The following DOCK9 variants were observed in gnomAD, a reference collection of about 807,000 sequenced individuals.
DOCK9 encodes the protein dedicator of cytokinesis protein 9.
Under a neutral mutation model 263.3 loss-of-function variants are expected in DOCK9, and 89 were observed. The ratio of observed to expected loss-of-function variants is 0.34; its 90% CI spans 0.28 to 0.40. The LOEUF (loss-of-function observed/expected upper bound fraction) is 0.40, where lower values mean the gene tolerates loss of function less well. DOCK9 is among the 10% of genes least tolerant of loss of function. The pLI, the probability that DOCK9 is intolerant of heterozygous loss-of-function variation, is 1.00. For synonymous variants in DOCK9, 976 were observed against 973.1 expected, an observed-to-expected ratio of 1.00 and a Z score of -0.06; for missense variants, 2,140 against 2,603.4, an observed-to-expected ratio of 0.82 and a Z score of 3.87.
intron 9 of DOCK9, among the ~76,000 whole-genome samples, chr13:98,905,414 T>C (rs933765236): frequency 5.3e-5 from 8 of 152,150 alleles, no homozygotes; most frequent in African/African-American, 1.9e-4. Flanking sequence ...TGACTTGGAC[T>C]AGGGGGTGGT....
intron 27 of DOCK9, among the ~76,000 whole-genome samples, chr13:98,868,846 T>C (rs539665082): frequency 7.8e-4 from 119 of 152,336 alleles, no homozygotes; most frequent in African/African-American, 2.7e-3. Flanking sequence ...ACTGTGAAAG[T>C]GTTCAAATAC....
At chr13:98,831,964 C>G in intron 39 of DOCK9, 178 bp from the exon 40 acceptor site, 1 of 724,630 alleles carries the variant, frequency 1.4e-6, no homozygotes, top group Non-Finnish European at 2.2e-6. Flanking sequence ...GCAAATCTAT[C>G]AATACATTTA....
rs1275958936 is a variant in DOCK9 at position 98,867,463 on chromosome 13, G to C, written c.3248C>G (p.Pro1083Arg). ...NHEHYIPLNLPMPFGKGRIQR... is the reference protein window; with the variant it reads ...NHEHYIPLNLRMPFGKGRIQR... ...AATCCTGCCTTTTCCAAATGGCATT[G>C]GTAAGTTCAACGGAATATAATGTTC... Residue 1083 changes from proline (P) to arginine (R), a missense_variant, in exon 30 of 53, where the codon CCA (proline) becomes CGA (arginine). Physicochemically the swap from Pro to Arg is moderately radical, Grantham distance 103. Coordinates refer to ENST00000682017, the MANE Select transcript of DOCK9 (RefSeq NM_001366683.2). 6.2e-7 allele frequency: 1 copy of C among 1,611,626 alleles called. No individual in the cohort carries two copies. The highest frequency in any genetic ancestry group is 1.1e-5 in the South Asian group (1 of 90,708).
intron 1 of DOCK9, among the ~76,000 whole-genome samples, chr13:99,035,589 C>T (rs920437547): frequency 6.6e-6 from 1 of 152,174 alleles, no homozygotes; most frequent in African/African-American, 2.4e-5. Flanking sequence ...TGGAAAATGG[C>T]AGAGCAACAA....
At chr13:99,006,280 G>A (rs192501572) in intron 1 of DOCK9, among the ~76,000 whole-genome samples, 1 of 152,302 alleles carries the variant, frequency 6.6e-6, no homozygotes, top group Non-Finnish European at 1.5e-5. Context: ...GTGTAACTTG[G>A]ATCAGTCATC....
intron 26 of DOCK9, among the ~76,000 whole-genome samples, 184 bp from the exon 27 acceptor site, chr13:98,880,153 T>C (rs2044506934): frequency 6.6e-6 from 1 of 151,926 alleles, no homozygotes; most frequent in Non-Finnish European, 1.5e-5. Context: ...TGCACAAGTT[T>C]AGCAACAAAG....
chr13:98,858,061 T>G (rs1389161117), intron 33 of DOCK9: 1 of 152,014 alleles, frequency 6.6e-6, no homozygotes, highest in Non-Finnish European at 1.5e-5. Flanking sequence ...AGTCTCAAGC[T>G]TGATTCCAGA....
At position 98,880,534 on chromosome 13, in the gene DOCK9, T is replaced by A. The variant is rs1441500082; in HGVS notation, c.2871+13A>T. The stretch of plus-strand genomic sequence containing the variant: ...CAGTTTCAATCAGAGCCACACTGAC[T>A]CTCCTGACATACCTTCAGTAGTTTG... On this transcript the variant is annotated intron_variant, in intron 26 of 52. Transcript: ENST00000682017. 2.5e-6 allele frequency: 4 copies of A among 1,613,734 alleles called. No individual in the cohort carries two copies. The African/African-American group carries it at 5.3e-5, about 22-fold the overall frequency.
intron 9 of DOCK9, among the ~76,000 whole-genome samples, chr13:98,907,092 G>A (rs1307942152): frequency 6.6e-6 from 1 of 152,140 alleles, no homozygotes; most frequent in Non-Finnish European, 1.5e-5. Context: ...ATTCTATCCT[G>A]CCTATCACCT....
Position 98,853,413 on chromosome 13 carries a change from G to C in DOCK9, c.3941C>G (p.Ser1314Cys), listed in dbSNP as rs1435646245. 1.9e-6 allele frequency: 3 copies of C among 1,601,556 alleles called. No individual in the cohort carries two copies. In the African/African-American group the frequency reaches 4.0e-5, roughly 22 times the overall value. The change falls in exon 35 of 53, where the codon TCT (serine) becomes TGT (cysteine). Residue 1314 changes from serine to cysteine, a missense_variant. Physicochemically the swap from Ser to Cys is moderately radical, Grantham distance 112. Transcript: ENST00000682017. ...MCFLYILKSM[S>C]DDALFTYWNK... ...ATCTCCATTTTTTAACCTACCATCAGACATGCTCTTTAAGATGTAGAGGAA... is the reference window on the plus strand; with the variant it reads ...ATCTCCATTTTTTAACCTACCATCACACATGCTCTTTAAGATGTAGAGGAA...
At chr13:99,070,080 T>C (rs1446989063) in intron 1 of DOCK9, among the ~76,000 whole-genome samples, 1 of 152,218 alleles carries the variant, frequency 6.6e-6, no homozygotes, top group Non-Finnish European at 1.5e-5. Context: ...CACAGGGGCA[T>C]CCCGCCTCTA....
At chr13:98,855,484 G>A (rs746775177) in intron 34 of DOCK9, among the ~76,000 whole-genome samples, 1 of 152,160 alleles carries the variant, frequency 6.6e-6, no homozygotes, top group Non-Finnish European at 1.5e-5. Context: ...AGGCAGAGGA[G>A]TCGTTTGAAC....
intron 43 of DOCK9, among the ~76,000 whole-genome samples, chr13:98,828,059 T>C (rs940951328): frequency 2.0e-5 from 3 of 152,146 alleles, no homozygotes; most frequent in Non-Finnish European, 4.4e-5. Flanking sequence ...AAGGATGCTA[T>C]GCGACCACGG....
At chr13:98,899,146 T>C (rs1426405482) in intron 13 of DOCK9, among the ~76,000 whole-genome samples, 1 of 151,820 alleles carries the variant, frequency 6.6e-6, no homozygotes, top group African/African-American at 2.4e-5. Context: ...CAAAGTGTGC[T>C]ATAGCATCAG....
intron 30 of DOCK9, among the ~76,000 whole-genome samples, chr13:98,865,369 C>A (rs1402202811): frequency 6.6e-6 from 1 of 152,128 alleles, no homozygotes; most frequent in African/African-American, 2.4e-5. Flanking sequence ...ACTGCACTGG[C>A]CCTCTTTTCT....
At chr13:99,015,835 C>A in intron 1 of DOCK9, 1 of 1,197,304 alleles carries the variant, frequency 8.4e-7, no homozygotes, top group Non-Finnish European at 1.0e-6. Flanking sequence ...GGTGCAAACA[C>A]AAGATGACAC....
At chr13:99,087,011 G>T (rs1343903731), upstream of DOCK9, among the ~76,000 whole-genome samples, 1 of 152,106 alleles carries the variant, frequency 6.6e-6, no homozygotes, top group African/African-American at 2.4e-5. Context: ...AGGGGACCCC[G>T]AAGTCACCGG....
At chr13:98,954,897 C>CACACACACACACACAT (rs1267820966) in intron 2 of DOCK9, among the ~76,000 whole-genome samples, 4 of 149,826 alleles carry the variant, frequency 2.7e-5, no homozygotes, top group Non-Finnish European at 5.9e-5. Context: ...CACACACACA[C>CACACACACACACACAT]ATTTTGGCAT....
At position 98,846,068 on chromosome 13, in the gene DOCK9, A is replaced by G. The variant is rs765268082; in HGVS notation, c.4062-8T>C. 105 of 1,562,444 alleles carry G rather than the reference A, an allele frequency of 6.7e-5. No individual in the cohort carries two copies. The highest frequency in any genetic ancestry group is 8.5e-5 in the Non-Finnish European group (98 of 1,152,344). The stretch of plus-strand genomic sequence containing the variant: ...CCCAACCCCTCCTGGTTCCTGCAAC[A>G]TGAGTGAAATGGGATAGAAGCAAAA... On this transcript the variant is annotated splice_polypyrimidine_tract_variant and splice_region_variant and intron_variant, in intron 37 of 52. Transcript: ENST00000682017.
Sources: allele counts gnomAD v4.1 joint callset (sites outside exome capture counted in the v4.1 genomes callset), GRCh38; gene constraint gnomAD v4.1.1; transcripts MANE v1.5; gene names NCBI Gene and HGNC (gene_info 2026-07-23, HGNC 2026-07-21).